The following COMMD1 variants were observed in gnomAD, a reference collection of about 807,000 sequenced individuals.
The protein encoded by COMMD1 is copper metabolism domain containing 1.
COMMD1 carries 10 observed loss-of-function variants against 17.2 expected under a neutral mutation model. The ratio of observed to expected loss-of-function variants is 0.58; its 90% CI spans 0.36 to 0.99. The LOEUF (loss-of-function observed/expected upper bound fraction) is 0.99. Among genes scored for constraint, COMMD1 ranks in the 50% least tolerant of loss-of-function variants. The pLI, the probability that COMMD1 is intolerant of heterozygous loss-of-function variation, is 0.01. For missense variants in COMMD1, 270 were observed against 231.8 expected (o/e 1.17, Z -1.07); for synonymous variants, 97 against 91.6 (o/e 1.06, Z -0.34).
intron 1 of COMMD1, among the ~76,000 whole-genome samples, chr2:61,899,857 A>G (rs1473445730): frequency 2.0e-5 from 3 of 152,038 alleles, no homozygotes; most frequent in Non-Finnish European, 4.4e-5. Context: ...TTTTTAGTAG[A>G]GACAGGGTTT....
At chr2:62,118,783 G>T (rs1299880806) in intron 2 of COMMD1, 1 of 152,242 alleles carries the variant, frequency 6.6e-6, no homozygotes, top group Non-Finnish European at 1.5e-5. Flanking sequence ...AAATGGGCTG[G>T]CAGACCTGGG....
intron 1 of COMMD1, among the ~76,000 whole-genome samples, chr2:61,994,460 TTTTC>T (rs754659877): frequency 6.6e-6 from 1 of 152,176 alleles, no homozygotes; most frequent in Non-Finnish European, 1.5e-5. Flanking sequence ...GACAGCTTGT[TTTTC>T]TTTCAGCTCC....
At chr2:61,978,498 G>A (rs950458052) in intron 1 of COMMD1, among the ~76,000 whole-genome samples, 2 of 152,220 alleles carry the variant, frequency 1.3e-5, no homozygotes, top group Middle Eastern at 3.4e-3. Context: ...CTAAAAAATG[G>A]TATCATTATC....
chr2:61,946,941 T>A (rs1054906572), intron 1 of COMMD1, among the ~76,000 whole-genome samples: 2 of 152,208 alleles, frequency 1.3e-5, no homozygotes, highest in Admixed American at 6.5e-5. Context: ...TTGCTTCTAG[T>A]AGTTTTGTTT....
chr2:61,963,299 A>G (rs2103701315), intron 1 of COMMD1, among the ~76,000 whole-genome samples: 1 of 151,774 alleles, frequency 6.6e-6, no homozygotes, highest in Admixed American at 6.6e-5. Flanking sequence ...GTGTTGTTCC[A>G]CCAAATTATT....
intron 1 of COMMD1, among the ~76,000 whole-genome samples, chr2:61,952,409 A>G (rs1317458386): frequency 6.6e-6 from 1 of 152,142 alleles, no homozygotes; most frequent in Non-Finnish European, 1.5e-5. Flanking sequence ...TGTAGATGAC[A>G]TCACTAATGT....
At chr2:61,966,443 C>T (rs1157109069) in intron 1 of COMMD1, among the ~76,000 whole-genome samples, 1 of 152,022 alleles carries the variant, frequency 6.6e-6, no homozygotes, top group Non-Finnish European at 1.5e-5. Flanking sequence ...CAGAATATGG[C>T]AGTAATACCC....
intron 1 of COMMD1, among the ~76,000 whole-genome samples, chr2:61,960,630 G>A (rs916233627): frequency 6.6e-6 from 1 of 152,192 alleles, no homozygotes; most frequent in Non-Finnish European, 1.5e-5. Context: ...ACAGCACTGG[G>A]TTTTAATCAT....
At position 61,973,821 on chromosome 2, in the gene COMMD1, G is replaced by T. The variant is rs566257918; in HGVS notation, c.181-26880G>T. ...GCCATTTGTATATGATAGTACTTAAGTCTTCAGTTTGAATTCTAAAAATGT... is the reference window on the plus strand; with the variant it reads ...GCCATTTGTATATGATAGTACTTAATTCTTCAGTTTGAATTCTAAAAATGT... On this transcript the variant is annotated intron_variant, in intron 1 of 2. Transcript: ENST00000311832. Among the ~76,000 whole-genome samples, 16 of 152,206 alleles carry T rather than the reference G, an allele frequency of 1.1e-4. No individual in the cohort carries two copies. The South Asian group carries it at 3.3e-3, about 32-fold the overall frequency.
At chr2:62,096,690 G>C (rs1368149310) in intron 2 of COMMD1, among the ~76,000 whole-genome samples, 9 of 152,212 alleles carry the variant, frequency 5.9e-5, no homozygotes, top group African/African-American at 2.2e-4. Flanking sequence ...TAATAGCAGA[G>C]ATTCTCTCAG....
intron 1 of COMMD1, among the ~76,000 whole-genome samples, chr2:61,909,851 G>A (rs139210884): frequency 2.3e-3 from 353 of 152,278 alleles, no homozygotes; most frequent in Non-Finnish European, 3.2e-3. Context: ...CCAACTGCCT[G>A]GAAATATATT....
intron 2 of COMMD1, among the ~76,000 whole-genome samples, chr2:62,002,681 A>G (rs571687469): frequency 2.9e-4 from 44 of 150,202 alleles, no homozygotes; most frequent in African/African-American, 1.1e-3. Context: ...AAATACAAAA[A>G]CAAAACAAAA....
intron 1 of COMMD1, among the ~76,000 whole-genome samples, chr2:61,939,957 G>A (rs970935203): frequency 5.3e-5 from 8 of 152,278 alleles, no homozygotes; most frequent in Non-Finnish European, 1.2e-4. Context: ...GGTAGCAAGA[G>A]CCTGTGTAAA....
chr2:62,022,089 A>G (rs757318236), intron 2 of COMMD1, among the ~76,000 whole-genome samples: 12 of 151,874 alleles, frequency 7.9e-5, no homozygotes, highest in Non-Finnish European at 1.5e-4. Flanking sequence ...TTATATTTAG[A>G]TTGTTGATCT....
intron 1 of COMMD1, among the ~76,000 whole-genome samples, chr2:61,997,426 G>A (rs1668797931): frequency 6.6e-6 from 1 of 151,942 alleles, no homozygotes; most frequent in African/African-American, 2.4e-5. Flanking sequence ...TCCGTGGTCT[G>A]CAGAATGAAT....
chr2:61,963,379 T>C (rs923280886), intron 1 of COMMD1, among the ~76,000 whole-genome samples: 1 of 152,036 alleles, frequency 6.6e-6, no homozygotes, highest in Non-Finnish European at 1.5e-5. Context: ...TTTTTTGAGA[T>C]GGAGTCTCAC....
intron 2 of COMMD1, among the ~76,000 whole-genome samples, chr2:62,125,197 C>T (rs1051538739): frequency 6.6e-6 from 1 of 152,184 alleles, no homozygotes; most frequent in African/African-American, 2.4e-5. Context: ...TATGGATAAA[C>T]ACTTCCTCTA....
At chr2:62,021,917 T>C (rs13424796) in intron 2 of COMMD1, among the ~76,000 whole-genome samples, 4,667 of 152,284 alleles carry the variant, frequency 0.031, 174 homozygotes, top group African/African-American at 0.085. Context: ...TTGATTTGTG[T>C]TTTCTTCTGT....
At chr2:61,942,229 G>A (rs1371619072) in intron 1 of COMMD1, among the ~76,000 whole-genome samples, 4 of 151,588 alleles carry the variant, frequency 2.6e-5, no homozygotes, top group South Asian at 2.1e-4. Flanking sequence ...TCAGCCTCCC[G>A]AGTAGCTGGG....
Sources: allele counts gnomAD v4.1 joint callset (sites outside exome capture counted in the v4.1 genomes callset), GRCh38; gene constraint gnomAD v4.1.1; transcripts MANE v1.5; gene names NCBI Gene and HGNC (gene_info 2026-07-23, HGNC 2026-07-21).